AGBL1: variants seen among roughly 807,000 people sequenced by gnomAD.
The protein encoded by AGBL1 is cytosolic carboxypeptidase 4.
AGBL1 carries 130 observed loss-of-function variants against 118.9 expected under a neutral mutation model. The observed-to-expected ratio is 1.09, with a 90% CI of 0.95 to 1.26. The LOEUF (loss-of-function observed/expected upper bound fraction) is 1.26, where lower values mean the gene tolerates loss of function less well. Among genes scored for constraint, AGBL1 ranks in the 50% most tolerant of loss-of-function variants. The pLI is 0.00. For missense variants in AGBL1, 1,584 were observed against 1,298.1 expected (o/e 1.22, Z -3.38); for synonymous variants, 555 against 478.9 (o/e 1.16, Z -2.08).
chr15:86,540,911 CTA>C (rs1006075807), intron 19 of AGBL1, among the ~76,000 whole-genome samples: 39 of 152,094 alleles, frequency 2.6e-4, no homozygotes, highest in Non-Finnish European at 5.4e-4. Context: ...GTGAATGGCT[CTA>C]TAATTTGTCG....
intron 17 of AGBL1, among the ~76,000 whole-genome samples, chr15:86,396,273 G>A (rs539734664): frequency 4.7e-4 from 69 of 146,768 alleles, no homozygotes; most frequent in African/African-American, 1.6e-3. Flanking sequence ...ACACACACAC[G>A]TCAGTAAATG....
intron 23 of AGBL1, among the ~76,000 whole-genome samples, chr15:86,961,785 T>G (rs2080995627): frequency 6.6e-6 from 1 of 152,036 alleles, no homozygotes; most frequent in Non-Finnish European, 1.5e-5. Context: ...GAGCACACAT[T>G]CAGGTGCATC....
At chr15:86,722,320 T>C (rs2086736949) in intron 22 of AGBL1, among the ~76,000 whole-genome samples, 1 of 152,046 alleles carries the variant, frequency 6.6e-6, no homozygotes, top group Non-Finnish European at 1.5e-5. Flanking sequence ...TATAGACCAA[T>C]GGAACAGAGC....
At chr15:86,693,901 C>A (rs1027178921) in intron 22 of AGBL1, among the ~76,000 whole-genome samples, 1 of 151,910 alleles carries the variant, frequency 6.6e-6, no homozygotes, top group African/African-American at 2.4e-5. Flanking sequence ...GGTCAGTTTG[C>A]TGTAAGTATT....
At chr15:86,906,055 G>C (rs556050963) in intron 22 of AGBL1, among the ~76,000 whole-genome samples, 1 of 152,258 alleles carries the variant, frequency 6.6e-6, no homozygotes, top group South Asian at 2.1e-4. Context: ...TTCATTTCCC[G>C]ATCTAACATG....
intron 18 of AGBL1, among the ~76,000 whole-genome samples, chr15:86,425,837 C>A (rs1293306749): frequency 6.6e-6 from 1 of 152,074 alleles, no homozygotes; most frequent in Non-Finnish European, 1.5e-5. Flanking sequence ...TAAAAGTAGG[C>A]AACTCTATGC....
intron 6 of AGBL1, among the ~76,000 whole-genome samples, chr15:86,237,516 T>G (rs1335662637): frequency 6.6e-6 from 1 of 152,158 alleles, no homozygotes. Context: ...ATCCTGGCTT[T>G]CTTCTTTAAG....
intron 21 of AGBL1, among the ~76,000 whole-genome samples, chr15:86,572,471 C>A (rs2084023877): frequency 6.6e-6 from 1 of 152,208 alleles, no homozygotes; most frequent in Non-Finnish European, 1.5e-5. Flanking sequence ...AGCCCGGCCC[C>A]ATCGTGGCAG....
intron 22 of AGBL1, among the ~76,000 whole-genome samples, chr15:86,875,871 C>T (rs894613864): frequency 2.6e-5 from 4 of 152,184 alleles, no homozygotes; most frequent in African/African-American, 9.6e-5. Context: ...GATACCACCT[C>T]ACCTCAATGT....
chr15:86,942,726 CT>C (rs2080769218), intron 23 of AGBL1, among the ~76,000 whole-genome samples: 1 of 152,138 alleles, frequency 6.6e-6, no homozygotes, highest in Non-Finnish European at 1.5e-5. Context: ...ACAGTTTGGG[CT>C]TTAGAAACAG....
chr15:86,493,165 G>T (rs1223041921), intron 18 of AGBL1, among the ~76,000 whole-genome samples: 1 of 152,122 alleles, frequency 6.6e-6, no homozygotes, highest in African/African-American at 2.4e-5. Context: ...CTGCACTCCA[G>T]CCTGGTGACA....
At chr15:86,626,403 G>A (rs760896295) in intron 21 of AGBL1, among the ~76,000 whole-genome samples, 60 of 152,258 alleles carry the variant, frequency 3.9e-4, no homozygotes, top group Admixed American at 9.8e-4. Context: ...AAACTAATGC[G>A]GTAACAGAGA....
Position 86,801,351 on chromosome 15 carries a change from A to ATCTATCTATCTG in AGBL1, c.3159-105731_3159-105730insCTATCTGTCTAT, listed in dbSNP as rs1237814314. On this transcript the variant is annotated intron_variant, in intron 22 of 22. Transcript: ENST00000614907. ...TATCTATCTATCTATCTATCTATCT[A>ATCTATCTATCTG]TCTATATTAAAGCCTTCTTAAAAGC... is the stretch of plus-strand genomic sequence containing the variant. Among the ~76,000 whole-genome samples the ATCTATCTATCTG allele has an allele frequency of 1.0e-3, 156 of 150,028 alleles. 1 individual carries two copies. The Middle Eastern group carries it at 0.014, about 13-fold the overall frequency.
chr15:86,597,474 T>A (rs1385419383), intron 21 of AGBL1, among the ~76,000 whole-genome samples: 1 of 152,128 alleles, frequency 6.6e-6, no homozygotes, highest in Non-Finnish European at 1.5e-5. Context: ...TTCCTGCCCT[T>A]TCCCTTCATC....
chr15:86,164,675 T>C (rs1383596708), intron 5 of AGBL1, among the ~76,000 whole-genome samples: 1 of 152,202 alleles, frequency 6.6e-6, no homozygotes, highest in Non-Finnish European at 1.5e-5. Context: ...TCAGATGTTG[T>C]CATCAGTGTG....
chr15:86,651,431 G>A (rs2085367687), intron 21 of AGBL1, among the ~76,000 whole-genome samples: 1 of 152,166 alleles, frequency 6.6e-6, no homozygotes, highest in Non-Finnish European at 1.5e-5. Context: ...TCTCACTGTA[G>A]AAACACATAA....
chr15:86,938,075 T>G (rs997230105), intron 23 of AGBL1, among the ~76,000 whole-genome samples: 1 of 151,990 alleles, frequency 6.6e-6, no homozygotes, highest in African/African-American at 2.4e-5. Flanking sequence ...ACTACTTTTT[T>G]GGGGTGCAGC....
At chr15:86,157,332 A>T (rs1001053170) in intron 4 of AGBL1, among the ~76,000 whole-genome samples, 1 of 152,066 alleles carries the variant, frequency 6.6e-6, no homozygotes, top group Non-Finnish European at 1.5e-5. Flanking sequence ...ATAAAGGACA[A>T]CTCTCATTAA....
chr15:86,920,600 G>A (rs1255751617), downstream of AGBL1, among the ~76,000 whole-genome samples: 3 of 152,184 alleles, frequency 2.0e-5, no homozygotes, highest in Admixed American at 6.5e-5. Flanking sequence ...CAAGGGTTAT[G>A]TAATGCTCTC....
Sources: allele counts gnomAD v4.1 joint callset (sites outside exome capture counted in the v4.1 genomes callset), GRCh38; gene constraint gnomAD v4.1.1; transcripts MANE v1.5; gene names NCBI Gene and HGNC (gene_info 2026-07-23, HGNC 2026-07-21).